The following ADAMTSL1 variants were observed in gnomAD, a reference collection of about 807,000 sequenced individuals.
ADAMTSL1 encodes the protein ADAMTS like 1.
ADAMTSL1 carries 126 observed loss-of-function variants against 201.8 expected under a neutral mutation model. The ratio of observed to expected loss-of-function variants is 0.62; its 90% CI spans 0.54 to 0.72. ADAMTSL1 has a LOEUF of 0.72. ADAMTSL1 is among the 30% of genes least tolerant of loss of function. The pLI, the probability that ADAMTSL1 is intolerant of heterozygous loss-of-function variation, is 0.00. For synonymous variants in ADAMTSL1, 1,121 were observed against 903.4 expected (o/e 1.24, Z -4.32); for missense variants, 2,679 against 2,277.8 (o/e 1.18, Z -3.59).
At chr9:18,023,359 T>A (rs1820560499) in intron 1 of ADAMTSL1, among the ~76,000 whole-genome samples, 1 of 152,122 alleles carries the variant, frequency 6.6e-6, no homozygotes, top group South Asian at 2.1e-4. Flanking sequence ...GACCATACCT[T>A]GTGAACACTC....
At chr9:18,426,025 A>G (rs1383933777) in intron 2 of ADAMTSL1, among the ~76,000 whole-genome samples, 1 of 152,202 alleles carries the variant, frequency 6.6e-6, no homozygotes, top group East Asian at 1.9e-4. Flanking sequence ...TGGGATGCTT[A>G]TATTTTCCCC....
At chr9:18,390,288 C>G (rs1019113694) in intron 2 of ADAMTSL1, among the ~76,000 whole-genome samples, 1 of 152,098 alleles carries the variant, frequency 6.6e-6, no homozygotes, top group Non-Finnish European at 1.5e-5. Flanking sequence ...TAATTTTCCT[C>G]CAGGTAATCA....
intron 2 of ADAMTSL1, among the ~76,000 whole-genome samples, chr9:18,386,559 T>C (rs1314069797): frequency 6.6e-6 from 1 of 152,230 alleles, no homozygotes; most frequent in Non-Finnish European, 1.5e-5. Flanking sequence ...TTTTCCCTTT[T>C]GATTTTTCTA....
At chr9:18,625,644 A>G (rs1021707308) in intron 5 of ADAMTSL1, among the ~76,000 whole-genome samples, 1 of 152,192 alleles carries the variant, frequency 6.6e-6, no homozygotes, top group South Asian at 2.1e-4. Context: ...TTAAAATTTA[A>G]AAGTTCATTT....
intron 8 of ADAMTSL1, among the ~76,000 whole-genome samples, chr9:18,660,745 T>C (rs1425486584): frequency 6.6e-6 from 1 of 152,170 alleles, no homozygotes; most frequent in Admixed American, 6.5e-5. Context: ...ATAGAAAAAG[T>C]GTTCTTATCC....
At chr9:18,023,780 C>G (rs1229594116) in intron 1 of ADAMTSL1, among the ~76,000 whole-genome samples, 3 of 152,052 alleles carry the variant, frequency 2.0e-5, no homozygotes, top group East Asian at 3.9e-4. Flanking sequence ...TCTTGAAAGA[C>G]TAATGATTTG....
intron 1 of ADAMTSL1, among the ~76,000 whole-genome samples, chr9:18,481,408 G>A (rs1481949686): frequency 2.0e-5 from 3 of 151,926 alleles, no homozygotes; most frequent in Non-Finnish European, 4.4e-5. Flanking sequence ...AGCTGGGCAT[G>A]GTGGCAGGCA....
chr9:18,100,863 C>T, intron 1 of ADAMTSL1, among the ~76,000 whole-genome samples: 1 of 152,184 alleles, frequency 6.6e-6, no homozygotes, highest in East Asian at 1.9e-4. Context: ...CCAGTAAACA[C>T]CTGTTGGGTA....
rs1401972466 is a variant in ADAMTSL1, at chr9:18,751,897, C to T, written c.2007-1401C>T. 6.7e-4 allele frequency among the ~76,000 whole-genome samples: 2 copies of T among 2,984 alleles called. 1 individual carries two copies. Among genetic ancestry groups the T allele is most frequent in the Non-Finnish European group, 1.8e-3 (2 of 1,122 alleles). The allele number at this position is 2,984 out of a possible 152,430, so 2.0% of individuals were successfully genotyped here. ...CGAGGTCGGGAGATCGAGGCCATCC[C>T]GGCTAAAACGGTGAAACCCCGTCTC... is the stretch of plus-strand genomic sequence containing the variant. On this transcript the variant is annotated intron_variant, in intron 15 of 28. Transcript: ENST00000380548.
intron 23 of ADAMTSL1, among the ~76,000 whole-genome samples, chr9:18,866,049 A>C (rs1276328712): frequency 2.1e-5 from 3 of 142,350 alleles, no homozygotes; most frequent in Non-Finnish European, 4.5e-5. Flanking sequence ...TGTGGAATAC[A>C]TTATTAGCAC....
intron 9 of ADAMTSL1, among the ~76,000 whole-genome samples, chr9:18,671,804 A>G (rs1054642756): frequency 3.3e-5 from 5 of 152,238 alleles, no homozygotes; most frequent in African/African-American, 4.8e-5. Flanking sequence ...TGAGGAGGCC[A>G]AGGTGGGCAG....
At chr9:17,964,494 G>A (rs1817895284) in intron 1 of ADAMTSL1, among the ~76,000 whole-genome samples, 1 of 152,140 alleles carries the variant, frequency 6.6e-6, no homozygotes. Flanking sequence ...TCCCTGCGTG[G>A]TGACAAAACT....
chr9:18,878,287 C>A (rs1828299825), intron 23 of ADAMTSL1, among the ~76,000 whole-genome samples: 1 of 152,228 alleles, frequency 6.6e-6, no homozygotes, highest in African/African-American at 2.4e-5. Context: ...CCTGTTAACC[C>A]CCCTCCCCAG....
chr9:17,952,656 C>A (rs1197262448), intron 1 of ADAMTSL1, among the ~76,000 whole-genome samples: 1 of 152,116 alleles, frequency 6.6e-6, no homozygotes, highest in Non-Finnish European at 1.5e-5. Flanking sequence ...GGAGGGACCA[C>A]AGGCACACAC....
At chr9:18,247,761 C>A (rs1831318536) in intron 2 of ADAMTSL1, among the ~76,000 whole-genome samples, 1 of 151,534 alleles carries the variant, frequency 6.6e-6, no homozygotes, top group South Asian at 2.1e-4. Flanking sequence ...GAGGGAGAGG[C>A]AGAAGAAGGA....
intron 3 of ADAMTSL1, among the ~76,000 whole-genome samples, chr9:18,554,620 C>G (rs1820996905): frequency 1.3e-5 from 2 of 151,402 alleles, no homozygotes; most frequent in Admixed American, 6.6e-5. Flanking sequence ...CCGTAGCCAA[C>G]CTGAGATAAG....
At chr9:18,075,857 T>A (rs781612765) in intron 1 of ADAMTSL1, among the ~76,000 whole-genome samples, 5 of 152,148 alleles carry the variant, frequency 3.3e-5, no homozygotes, top group Non-Finnish European at 7.3e-5. Context: ...CTGTAAAAGG[T>A]GCTGAGTGAA....
chr9:18,659,911 G>GTTTTTGTT (rs1564127592), intron 8 of ADAMTSL1, among the ~76,000 whole-genome samples: 1 of 93,146 alleles, frequency 1.1e-5, no homozygotes, highest in African/African-American at 4.2e-5. Context: ...TCTAAGGTTT[G>GTTTTTGTT]TTTTTTTTAA....
At chr9:18,634,729 T>G (rs1826991071) in intron 5 of ADAMTSL1, among the ~76,000 whole-genome samples, 3 of 150,980 alleles carry the variant, frequency 2.0e-5, no homozygotes. Context: ...TCCCAGCTAC[T>G]TGGGAGGCTG....
Sources: gnomAD v4.1 joint callset for allele counts (sites outside exome capture counted in the v4.1 genomes callset) on GRCh38, gnomAD v4.1.1 for gene constraint, MANE v1.5 for transcripts, NCBI Gene and HGNC (gene_info 2026-07-23, HGNC 2026-07-21) for gene names.